The following COMMD1 variants were observed in gnomAD, a reference collection of about 807,000 sequenced individuals.
The protein encoded by COMMD1 is COMM domain-containing protein 1.
Under a neutral mutation model 17.2 loss-of-function variants are expected in COMMD1, and 10 were observed. The ratio of observed to expected loss-of-function variants is 0.58; its 90% CI spans 0.36 to 0.99. The LOEUF (loss-of-function observed/expected upper bound fraction) is 0.99. Ranked by LOEUF, COMMD1 falls within the 50% of genes least tolerant of loss-of-function variation. The pLI is 0.01. For synonymous variants in COMMD1, 97 were observed against 91.6 expected (o/e 1.06, Z -0.34); for missense variants, 270 against 231.8 (o/e 1.17, Z -1.07).
chr2:61,990,903 TACACACACACACAC>T (rs34009777), intron 1 of COMMD1, among the ~76,000 whole-genome samples: 1 of 116,166 alleles, frequency 8.6e-6, no homozygotes, highest in South Asian at 3.1e-4. Flanking sequence ...TATATATATA[TACACACACACACAC>T]ACACACACAC....
chr2:61,894,682 T>C (rs1669516082), intron 1 of COMMD1, among the ~76,000 whole-genome samples: 1 of 150,506 alleles, frequency 6.6e-6, no homozygotes. Flanking sequence ...TATATATTTA[T>C]ATATTTTTTA....
chr2:61,916,627 A>G (rs1028160433), intron 1 of COMMD1, among the ~76,000 whole-genome samples: 3 of 151,940 alleles, frequency 2.0e-5, no homozygotes, highest in Admixed American at 1.3e-4. Flanking sequence ...GGGTCTCCCT[A>G]TGTTGTCCAG....
chr2:62,113,781 A>G (rs909355275), intron 2 of COMMD1, among the ~76,000 whole-genome samples: 1 of 152,262 alleles, frequency 6.6e-6, no homozygotes, highest in Non-Finnish European at 1.5e-5. Context: ...GTTGTTTAAT[A>G]AGTATTTCTC....
At chr2:61,890,430 G>T (rs922650550) in intron 1 of COMMD1, among the ~76,000 whole-genome samples, 1 of 152,168 alleles carries the variant, frequency 6.6e-6, no homozygotes, top group East Asian at 1.9e-4. Context: ...TGTTGGACAG[G>T]GTGGTTTCGA....
intron 1 of COMMD1, among the ~76,000 whole-genome samples, chr2:61,974,006 A>G (rs1367374363): frequency 6.6e-6 from 1 of 152,212 alleles, no homozygotes; most frequent in Non-Finnish European, 1.5e-5. Context: ...AGAACATCAT[A>G]TAATGGGGCT....
intron 2 of COMMD1, among the ~76,000 whole-genome samples, chr2:62,032,621 C>T (rs182953415): frequency 1.2e-4 from 18 of 152,332 alleles, no homozygotes; most frequent in Admixed American, 2.0e-4. Flanking sequence ...AAGCTTCAGG[C>T]ATGTTCTTTG....
chr2:61,956,804 G>A (rs1671209718), intron 1 of COMMD1, among the ~76,000 whole-genome samples: 1 of 152,076 alleles, frequency 6.6e-6, no homozygotes, highest in Non-Finnish European at 1.5e-5. Flanking sequence ...AGGCTGGTAT[G>A]CAGTGGTGCG....
At position 62,019,064 on chromosome 2, in the gene COMMD1, C is replaced by T. The variant is rs981418240; in HGVS notation, c.462+18082C>T. On this transcript the variant is annotated intron_variant, in intron 2 of 2. Coordinates refer to ENST00000311832, the MANE Select transcript of COMMD1 (RefSeq NM_152516.4). ...CTCCCTCCTTCCTTCCTTTCTTTCT[C>T]TCTCTCTTTCTCTCTCTCTTTCTTT... 4.1e-3 allele frequency among the ~76,000 whole-genome samples: 461 copies of T among 111,812 alleles called. 7 individuals carry two copies. Among genetic ancestry groups the T allele is most frequent in the African/African-American group, 0.018 (440 of 23,788 alleles). 73.4% of individuals were successfully genotyped at this position (111,812 alleles called of 152,430 possible).
intron 2 of COMMD1, among the ~76,000 whole-genome samples, chr2:62,065,609 C>T (rs1055261955): frequency 6.6e-6 from 1 of 152,076 alleles, no homozygotes; most frequent in Admixed American, 6.6e-5. Flanking sequence ...CATGAGCCAC[C>T]ACACCTGGCC....
At chr2:61,960,182 G>A (rs1176579054) in intron 1 of COMMD1, among the ~76,000 whole-genome samples, 1 of 152,064 alleles carries the variant, frequency 6.6e-6, no homozygotes, top group East Asian at 1.9e-4. Flanking sequence ...AAGAAATTGT[G>A]ACTTTTTATA....
intron 1 of COMMD1, among the ~76,000 whole-genome samples, chr2:61,915,024 G>A (rs1205544759): frequency 7.3e-6 from 1 of 137,814 alleles, no homozygotes; most frequent in African/African-American, 2.8e-5. Context: ...TTTTTTTTGA[G>A]ATGGACTTTT....
rs115018660 is a variant in COMMD1 at position 62,089,146 on chromosome 2, T to C, written c.463-46685T>C. Among the ~76,000 whole-genome samples the C allele has an allele frequency of 8.4e-3, 1,273 of 152,294 alleles. 17 individuals carry two copies. The highest frequency in any genetic ancestry group is 0.028 in the African/African-American group (1,175 of 41,548). On this transcript the variant is annotated intron_variant, in intron 2 of 2. Transcript: ENST00000311832. ...ATGTTTCCAAAAGGTACTAGACTTT[T>C]AGCTAATCTCTTCAGGATTGGGAGG...
At chr2:62,104,625 C>A in intron 2 of COMMD1, among the ~76,000 whole-genome samples, 1 of 125,924 alleles carries the variant, frequency 7.9e-6, no homozygotes, top group South Asian at 2.6e-4. Context: ...CAGAGTGAGA[C>A]TCCGTCTCAA....
At chr2:62,038,337 G>A (rs968554370) in intron 2 of COMMD1, among the ~76,000 whole-genome samples, 3 of 151,936 alleles carry the variant, frequency 2.0e-5, no homozygotes, top group African/African-American at 4.8e-5. Context: ...ACCAAAAAAC[G>A]ATGAATCAAA....
chr2:62,013,877 T>C (rs1669359007), intron 2 of COMMD1, among the ~76,000 whole-genome samples: 1 of 152,208 alleles, frequency 6.6e-6, no homozygotes, highest in African/African-American at 2.4e-5. Flanking sequence ...GGGAAAAATA[T>C]GAAAGAAATC....
chr2:61,961,814 C>T (rs1671350580), intron 1 of COMMD1, among the ~76,000 whole-genome samples: 1 of 151,858 alleles, frequency 6.6e-6, no homozygotes, highest in African/African-American at 2.4e-5. Flanking sequence ...TTCATTTCTG[C>T]TATTTTATTT....
At chr2:61,891,451 C>T (rs939611887) in intron 1 of COMMD1, among the ~76,000 whole-genome samples, 1 of 152,124 alleles carries the variant, frequency 6.6e-6, no homozygotes, top group Non-Finnish European at 1.5e-5. Context: ...AAAACCTAAA[C>T]ATGGCCGGGC....
intron 1 of COMMD1, among the ~76,000 whole-genome samples, chr2:61,931,375 A>G (rs570654577): frequency 3.9e-5 from 6 of 152,260 alleles, no homozygotes; most frequent in African/African-American, 9.6e-5. Flanking sequence ...TGGGAAACCA[A>G]TATGCTGATA....
chr2:61,927,005 C>T (rs950340338), intron 1 of COMMD1, among the ~76,000 whole-genome samples: 2 of 152,094 alleles, frequency 1.3e-5, no homozygotes, highest in African/African-American at 4.8e-5. Context: ...TAAAATTGGG[C>T]AACACTTCAT....
Sources: gnomAD v4.1 joint callset for allele counts (sites outside exome capture counted in the v4.1 genomes callset) on GRCh38, gnomAD v4.1.1 for gene constraint, MANE v1.5 for transcripts, NCBI Gene and HGNC (gene_info 2026-07-23, HGNC 2026-07-21) for gene names.